The following C12orf42 variants were observed in gnomAD, a reference collection of about 807,000 sequenced individuals.
C12orf42 encodes the protein chromosome 12 open reading frame 42.
Under a neutral mutation model 21.6 loss-of-function variants are expected in C12orf42, and 25 were observed. That is an observed-to-expected ratio of 1.16 (90% CI 0.84 to 1.62). C12orf42 has a LOEUF of 1.62. Ranked by LOEUF, C12orf42 falls within the 40% of genes most tolerant of loss-of-function variation. The pLI, the probability that C12orf42 is intolerant of heterozygous loss-of-function variation, is 0.00. For synonymous variants in C12orf42, 174 were observed against 175.0 expected, an observed-to-expected ratio of 0.99 and a Z score of 0.05; for missense variants, 483 against 459.3, an observed-to-expected ratio of 1.05 and a Z score of -0.47.
chr12:103,291,786 G>A (rs2036844500), intron 4 of C12orf42, among the ~76,000 whole-genome samples: 1 of 152,086 alleles, frequency 6.6e-6, no homozygotes, highest in African/African-American at 2.4e-5. Context: ...AGCAACTAGA[G>A]GTTACCATCT....
chr12:103,101,334 C>T, the C12orf42 span, among the ~76,000 whole-genome samples: 2 of 152,322 alleles, frequency 1.3e-5, no homozygotes, highest in South Asian at 2.1e-4. Context: ...ATTCAAGCTG[C>T]ATTAACACCT....
the C12orf42 span, among the ~76,000 whole-genome samples, chr12:103,218,697 T>C: frequency 6.6e-6 from 1 of 152,162 alleles, no homozygotes; most frequent in African/African-American, 2.4e-5. Context: ...GGAGAAAATA[T>C]ATAATCATCT....
the C12orf42 span, among the ~76,000 whole-genome samples, chr12:103,169,661 T>C: frequency 6.6e-6 from 1 of 152,180 alleles, no homozygotes; most frequent in African/African-American, 2.4e-5. Context: ...TACAGTGTTA[T>C]AGTGGGCAAA....
At chr12:103,332,412 G>C (rs2041318372) in intron 4 of C12orf42, among the ~76,000 whole-genome samples, 1 of 152,150 alleles carries the variant, frequency 6.6e-6, no homozygotes, top group Non-Finnish European at 1.5e-5. Context: ...ACTAGATTGG[G>C]GATATGAAAT....
chr12:103,263,298 A>G (rs1206303658), intron 10 of C12orf42: 1 of 152,122 alleles, frequency 6.6e-6, no homozygotes, highest in Non-Finnish European at 1.5e-5. Flanking sequence ...CTTAGAGTAT[A>G]ATAAAAAATA....
At chr12:103,215,087 GAGA>G in the C12orf42 span, among the ~76,000 whole-genome samples, 1 of 152,128 alleles carries the variant, frequency 6.6e-6, no homozygotes, top group Non-Finnish European at 1.5e-5. Context: ...TTGCATGGAA[GAGA>G]AAGTACTAAT....
upstream of C12orf42, among the ~76,000 whole-genome samples, chr12:103,496,795 T>C: frequency 1.2e-5 from 1 of 83,334 alleles, no homozygotes; most frequent in Admixed American, 1.8e-4. Context: ...CACCCACATC[T>C]AAAATATTTC....
At chr12:103,318,080 T>C (rs2039699788) in intron 4 of C12orf42, among the ~76,000 whole-genome samples, 1 of 152,094 alleles carries the variant, frequency 6.6e-6, no homozygotes, top group Non-Finnish European at 1.5e-5. Flanking sequence ...GGTGGGTTCA[T>C]TGCTTGAGGC....
At chr12:103,237,950 T>C (rs1220595132) in intron 10 of C12orf42, 2 of 152,150 alleles carry the variant, frequency 1.3e-5, no homozygotes, top group Non-Finnish European at 2.9e-5. Flanking sequence ...GAAGAAGAAA[T>C]ATGCAACATC....
downstream of C12orf42, among the ~76,000 whole-genome samples, chr12:103,298,645 G>A (rs1049819058): frequency 3.4e-5 from 5 of 148,264 alleles, no homozygotes; most frequent in African/African-American, 1.2e-4. Context: ...CTGGCCAAGT[G>A]GTAGGAGTGA....
chr12:103,373,862 T>C (rs1368488036), intron 3 of C12orf42, among the ~76,000 whole-genome samples: 2 of 152,220 alleles, frequency 1.3e-5, no homozygotes, highest in African/African-American at 2.4e-5. Flanking sequence ...CCACTAGGTA[T>C]ACAAATCCAA....
chr12:103,229,261 T>C, the C12orf42 span, among the ~76,000 whole-genome samples: 1 of 152,240 alleles, frequency 6.6e-6, no homozygotes, highest in Non-Finnish European at 1.5e-5. Context: ...ATTTATCAGT[T>C]AGGATGGTTT....
chr12:103,205,567 T>TG, the C12orf42 span, among the ~76,000 whole-genome samples: 1 of 152,162 alleles, frequency 6.6e-6, no homozygotes, highest in East Asian at 1.9e-4. Context: ...AGATGAGATT[T>TG]GGGTGGGGGC....
At chr12:103,138,476 GT>G in the C12orf42 span, among the ~76,000 whole-genome samples, 1 of 152,152 alleles carries the variant, frequency 6.6e-6, no homozygotes, top group Non-Finnish European at 1.5e-5. Context: ...ATGATTGTAA[GT>G]TTCTTGAGGC....
chr12:103,269,868 G>A (rs2035358132), intron 5 of C12orf42: 1 of 152,276 alleles, frequency 6.6e-6, no homozygotes, highest in Non-Finnish European at 1.5e-5. Flanking sequence ...AATGGCAAAG[G>A]ATGGAGGAGA....
intron 10 of C12orf42, among the ~76,000 whole-genome samples, chr12:103,255,294 C>T (rs2034506635): frequency 6.6e-6 from 1 of 152,084 alleles, no homozygotes; most frequent in Non-Finnish European, 1.5e-5. Context: ...ATCACTTGAA[C>T]CCAGGAGGCA....
At chr12:103,167,135 C>T in the C12orf42 span, among the ~76,000 whole-genome samples, 1 of 152,124 alleles carries the variant, frequency 6.6e-6, no homozygotes, top group Admixed American at 6.5e-5. Flanking sequence ...AGTGGTTGCG[C>T]AATCATGTTC....
chr12:103,358,454 G>A (rs1314910289), intron 4 of C12orf42, among the ~76,000 whole-genome samples: 1 of 151,972 alleles, frequency 6.6e-6, no homozygotes, highest in Non-Finnish European at 1.5e-5. Context: ...AATCAAGATA[G>A]CAATCTCCAA....
At chr12:103,546,332 T>C in the C12orf42 span, among the ~76,000 whole-genome samples, 4 of 152,236 alleles carry the variant, frequency 2.6e-5, no homozygotes, top group Non-Finnish European at 1.5e-5. Context: ...CTCGAGTGTC[T>C]GGACAAATGG....
Sources: allele counts gnomAD v4.1 joint callset (sites outside exome capture counted in the v4.1 genomes callset), GRCh38; gene constraint gnomAD v4.1.1; transcripts MANE v1.5; gene names NCBI Gene and HGNC (gene_info 2026-07-23, HGNC 2026-07-21).